The following METTL13 variants were observed in gnomAD, a reference collection of about 807,000 sequenced individuals.
METTL13 encodes methyltransferase 13, eEF1A N-terminus and K55, also known as eEF1A lysine and N-terminal methyltransferase.
METTL13 carries 52 observed loss-of-function variants against 67.4 expected under a neutral mutation model. The ratio of observed to expected loss-of-function variants is 0.77; its 90% CI spans 0.62 to 0.97. METTL13 has a LOEUF of 0.97. METTL13 is among the 50% of genes least tolerant of loss of function. The pLI is 0.00. For missense variants in METTL13, 825 were observed against 889.6 expected, an observed-to-expected ratio of 0.93 and a Z score of 0.92; for synonymous variants, 354 against 353.6, an observed-to-expected ratio of 1.00 and a Z score of -0.01.
At chr1:171,784,534 G>T in intron 2 of METTL13, 35 bp downstream of exon 2, 1 of 1,474,326 alleles carries the variant, frequency 6.8e-7, no homozygotes, top group Non-Finnish European at 9.0e-7. Flanking sequence ...TCCCTGGAGG[G>T]GCTGGCTTAC....
In METTL13 at chr1:171,792,100, A is replaced by C. The variant is rs371883088; in HGVS notation, c.1558A>C (p.Ile520Leu). 149 of 1,614,040 alleles carry C rather than the reference A, an allele frequency of 9.2e-5. 3 individuals are homozygous for C. In the Middle Eastern group the frequency reaches 2.4e-3, roughly 26 times the overall value. ...CCACGATCATTTTCCAAAGTCCTGC[A>C]TTGATGCTGTGGAGATCGATCCCTC... ...FVHDHFPKSC[I>L]DAVEIDPSML... is the part of the protein sequence containing the mutation. Residue 520 changes from isoleucine to leucine, a missense_variant, in exon 6 of 8, where the codon ATT (isoleucine) becomes CTT (leucine). Ile to Leu is a conservative substitution (Grantham distance 5). Coordinates refer to ENST00000361735, the MANE Select transcript of METTL13 (RefSeq NM_015935.5).
intron 2 of METTL13, among the ~76,000 whole-genome samples, chr1:171,785,652 C>T (rs1013727781): frequency 6.6e-6 from 1 of 152,184 alleles, no homozygotes; most frequent in Non-Finnish European, 1.5e-5. Context: ...CTGCCTCCTT[C>T]CCCTACGGAC....
At position 171,790,446 on chromosome 1, in the gene METTL13, G is replaced by T; in HGVS notation, c.1310-6G>T. On this transcript the variant is annotated splice_polypyrimidine_tract_variant and splice_region_variant and intron_variant, in intron 4 of 7. Coordinates refer to ENST00000361735, the MANE Select transcript of METTL13 (RefSeq NM_015935.5). ...CTAAGCATAGGGCTTCATATCTCTTGTTTAGCCCAGAAGAAGCGGAAAAAG... is the reference window on the plus strand; with the variant it reads ...CTAAGCATAGGGCTTCATATCTCTTTTTTAGCCCAGAAGAAGCGGAAAAAG... The T allele has an allele frequency of 1.9e-6, 3 of 1,583,312 alleles. No homozygotes were observed. Among genetic ancestry groups the T allele is most frequent in the Non-Finnish European group, 2.6e-6 (3 of 1,167,704 alleles).
chr1:171,791,015 T>C (rs557597867), intron 5 of METTL13: 1 of 155,720 alleles, frequency 6.4e-6, no homozygotes, highest in Admixed American at 6.4e-5. Flanking sequence ...GTTAATGCAG[T>C]CATAGCCTTA....
At chr1:171,789,618 A>G (rs10913684) in intron 4 of METTL13, among the ~76,000 whole-genome samples, 29,050 of 152,204 alleles carry the variant, frequency 0.19, 2,920 homozygotes, top group African/African-American at 0.23. Context: ...AAGTTACGGT[A>G]TAGTAATTGG....
chr1:171,785,915 T>C lies in METTL13; in HGVS notation c.950T>C (p.Met317Thr). ...CGGGAGACCGAGTGGCTCTTTGGCA[T>C]GGATGAGGGCCGGAAACAGCTGGCG... The part of the protein sequence containing the change: ...QGRETEWLFG[M>T]DEGRKQLAAS... Residue 317 changes from methionine to threonine, a missense_variant, in exon 3 of 8, where the codon ATG becomes ACG. Met to Thr is a moderately conservative substitution (Grantham distance 81). Coordinates refer to ENST00000361735, the MANE Select transcript of METTL13 (RefSeq NM_015935.5). 2.5e-6 allele frequency: 4 copies of C among 1,613,604 alleles called. No individual in the cohort carries two copies. Among genetic ancestry groups the C allele is most frequent in the South Asian group, 1.1e-5 (1 of 91,040 alleles).
intron 2 of METTL13, 122 bp from the exon 3 acceptor site, chr1:171,785,757 G>T: frequency 1.0e-6 from 1 of 979,074 alleles, no homozygotes; most frequent in Non-Finnish European, 1.5e-6. Flanking sequence ...TAGCTCCTCA[G>T]TGGGTCACAG....
At chr1:171,790,300 T>G in intron 4 of METTL13, 152 bp from the exon 5 acceptor site, 1 of 671,866 alleles carries the variant, frequency 1.5e-6, no homozygotes, top group Non-Finnish European at 2.3e-6. Context: ...CTACGGCCAG[T>G]TTCAAGCTAT....
chr1:171,796,009 GGC>G (rs1231725762), intron 7 of METTL13, among the ~76,000 whole-genome samples: 1 of 152,116 alleles, frequency 6.6e-6, no homozygotes, highest in African/African-American at 2.4e-5. Context: ...TGGGATTACA[GGC>G]GTCCACCACC....
chr1:171,782,219 C>G, intron 1 of METTL13, 99 bp downstream of exon 1: 1 of 965,750 alleles, frequency 1.0e-6, no homozygotes, highest in Non-Finnish European at 1.6e-6. Context: ...GCGGGAGGAC[C>G]CTAGTTGGAC....
At position 171,786,021 on chromosome 1, in the gene METTL13, T is replaced by C. The variant is rs186572069; in HGVS notation, c.1056T>C (p.Ala352=). 6 of 1,614,036 alleles carry C rather than the reference T, an allele frequency of 3.7e-6. No homozygotes were observed. The highest frequency in any genetic ancestry group is 3.3e-5 in the Admixed American group (2 of 60,004). ...QQYESMDHIQ[A]ELSARVMELA... ...ATGAAAGCATGGACCACATCCAAGCTGAGCTGTCGGCTAGAGTCATGGAGC... is the reference window on the plus strand; with the variant it reads ...ATGAAAGCATGGACCACATCCAAGCCGAGCTGTCGGCTAGAGTCATGGAGC... The change falls in exon 3 of 8, where the codon GCT becomes GCC. Residue 352 remains alanine, a synonymous_variant. Transcript: ENST00000361735.
Position 171,794,496 on chromosome 1 carries a change from A to G in METTL13, c.1794A>G (p.Leu598=), listed in dbSNP as rs754817372. 1 of 1,614,224 alleles carries G rather than the reference A, an allele frequency of 6.2e-7. No homozygotes were observed. Among genetic ancestry groups the G allele is most frequent in the South Asian group, 1.1e-5 (1 of 91,086 alleles). Residue 598 remains leucine, a synonymous_variant, in exon 7 of 8, where the codon CTA becomes CTG. Transcript: ENST00000361735. ...CAGCATTTGTGGAGCAATCTTTTCT[A>G]CAGAAGGTTAAAAGCATCTTGACTC... ...PPPAFVEQSF[L]QKVKSILTPE...
chr1:171,786,371 G>T (rs762314776), intron 3 of METTL13, among the ~76,000 whole-genome samples: 85 of 152,150 alleles, frequency 5.6e-4, no homozygotes, highest in Non-Finnish European at 1.1e-3. Context: ...AATTTGAGTT[G>T]CTCTGACTGT....
intron 5 of METTL13, chr1:171,790,996 C>G (rs1657187675): frequency 6.3e-6 from 1 of 159,234 alleles, no homozygotes; most frequent in South Asian, 2.0e-4. Flanking sequence ...TGAAAAGATT[C>G]ATATTATAGT....
chr1:171,794,851 G>T (rs1385400810), intron 7 of METTL13, among the ~76,000 whole-genome samples: 1 of 150,666 alleles, frequency 6.6e-6, no homozygotes, highest in Non-Finnish European at 1.5e-5. Context: ...ACAGGGTTTT[G>T]CTTTGTTTCC....
Position 171,781,776 on chromosome 1 carries a change from T to A in METTL13, c.-192T>A. The A allele has an allele frequency of 1.8e-5, 25 of 1,405,582 alleles. No individual in the cohort carries two copies. The highest frequency in any genetic ancestry group is 2.3e-5 in the Non-Finnish European group (25 of 1,079,384). The allele number at this position is 1,405,582 out of a possible 1,614,324, so 87.1% of individuals were successfully genotyped here. A position where few individuals can be genotyped will look rare whatever the true frequency, so the allele number is the denominator to read the frequency against. On this transcript the variant is annotated 5_prime_UTR_variant, in exon 1 of 8. Transcript: ENST00000361735. ...GGCAAGCGTGTGTGAGATTCAGTGG[T>A]CCATGCGTGCGTTTGTCGTGTAAGG...
chr1:171,783,383 C>T (rs1656889967), intron 1 of METTL13, among the ~76,000 whole-genome samples: 1 of 152,172 alleles, frequency 6.6e-6, no homozygotes, highest in Non-Finnish European at 1.5e-5. Flanking sequence ...AGGGTTATTC[C>T]TGGCCTAGGA....
chr1:171,788,066 A>C, intron 4 of METTL13, 136 bp downstream of exon 4: 1 of 761,660 alleles, frequency 1.3e-6, no homozygotes, highest in Non-Finnish European at 2.2e-6. Context: ...GGGTGTGAAT[A>C]GCTATAAGCA....
At chr1:171,795,132 A>G (rs1260919160) in intron 7 of METTL13, among the ~76,000 whole-genome samples, 3 of 152,050 alleles carry the variant, frequency 2.0e-5, no homozygotes, top group African/African-American at 7.2e-5. Context: ...GGCTGAATGT[A>G]CTCTTTAAGT....
Sources: gnomAD v4.1 joint callset for allele counts (sites outside exome capture counted in the v4.1 genomes callset) on GRCh38, gnomAD v4.1.1 for gene constraint, MANE v1.5 for transcripts, NCBI Gene and HGNC (gene_info 2026-07-23, HGNC 2026-07-21) for gene names.